The following SFSWAP variants were observed in gnomAD, a reference collection of about 807,000 sequenced individuals.
SFSWAP encodes the protein splicing factor, suppressor of white-apricot homolog.
Under a neutral mutation model 100.7 loss-of-function variants are expected in SFSWAP, and 17 were observed. That is an observed-to-expected ratio of 0.17 (90% CI 0.12 to 0.25). The LOEUF (loss-of-function observed/expected upper bound fraction) is 0.25. Ranked by LOEUF, SFSWAP falls within the 10% of genes least tolerant of loss-of-function variation. The pLI, the probability that SFSWAP is intolerant of heterozygous loss-of-function variation, is 1.00. For missense variants in SFSWAP, 1,005 were observed against 1,262.6 expected, an observed-to-expected ratio of 0.80 and a Z score of 3.09; for synonymous variants, 504 against 510.1, an observed-to-expected ratio of 0.99 and a Z score of 0.16.
chr12:131,765,805 A>G (rs1883069127), intron 12 of SFSWAP, among the ~76,000 whole-genome samples: 1 of 45,708 alleles, frequency 2.2e-5, no homozygotes, highest in Admixed American at 3.5e-4. Context: ...ATCATTTGGA[A>G]TAAAACACTT....
chr12:131,774,407 CAG>C (rs1491185129), intron 13 of SFSWAP, among the ~76,000 whole-genome samples: 2 of 152,166 alleles, frequency 1.3e-5, no homozygotes, highest in African/African-American at 2.4e-5. Flanking sequence ...CATCGTGACA[CAG>C]GGGGACTAAT....
At chr12:131,754,307 G>T in intron 8 of SFSWAP, 61 bp from the exon 9 acceptor site, 1 of 1,410,182 alleles carries the variant, frequency 7.1e-7, no homozygotes. Context: ...CCCCCGAGCA[G>T]CCAGGACTGA....
rs573691539 is a variant in SFSWAP, at chr12:131,769,883, A to G, written c.2142+3575A>G. 7.9e-5 allele frequency among the ~76,000 whole-genome samples: 12 copies of G among 151,984 alleles called. No individual in the cohort carries two copies. In the East Asian group the frequency reaches 2.3e-3, roughly 29 times the overall value. On this transcript the variant is annotated intron_variant, in intron 13 of 17. Transcript: ENST00000261674. ...TATTTATTTTTACACGTACCCTCTC[A>G]CCTCTCCTGTTTGCAGGCATTGGTT...
chr12:131,759,028 A>G (rs745827991), intron 11 of SFSWAP, among the ~76,000 whole-genome samples: 1 of 152,230 alleles, frequency 6.6e-6, no homozygotes, highest in Non-Finnish European at 1.5e-5. Context: ...CGGAGGTTGC[A>G]GTGAGCCAAG....
In SFSWAP at chr12:131,725,020, G is replaced by A. The variant is rs1455564605; in HGVS notation, c.607-385G>A. Reference sequence around the variant, plus strand: ...AAAGAGCAGTGATTCTGGTTATTGAGAACCATGGAATGTATACCCTCTCCC... The same window carrying A: ...AAAGAGCAGTGATTCTGGTTATTGAAAACCATGGAATGTATACCCTCTCCC... On this transcript the variant is annotated intron_variant, in intron 4 of 17. Coordinates refer to ENST00000261674, the MANE Select transcript of SFSWAP (RefSeq NM_004592.4). The surrounding 1 kb of genome is among the most constrained non-coding windows in gnomAD (Gnocchi z 4.3). Among the ~76,000 whole-genome samples the A allele has an allele frequency of 6.6e-6, 1 of 152,188 alleles. No individual in the cohort carries two copies. The highest frequency in any genetic ancestry group is 1.5e-5 in the Non-Finnish European group (1 of 68,032).
intron 7 of SFSWAP, among the ~76,000 whole-genome samples, chr12:131,729,823 G>T (rs1021861430): frequency 2.0e-5 from 3 of 152,188 alleles, no homozygotes; most frequent in African/African-American, 7.2e-5. Flanking sequence ...AGCCGGAGAT[G>T]AATTGTTAAA....
chr12:131,774,164 G>T (rs1223604614), intron 13 of SFSWAP, among the ~76,000 whole-genome samples: 1 of 152,202 alleles, frequency 6.6e-6, no homozygotes, highest in Admixed American at 6.5e-5. Context: ...AGGGGTGGGA[G>T]GATGCACCTG....
chr12:131,759,062 G>T (rs937681019), intron 11 of SFSWAP, among the ~76,000 whole-genome samples: 10 of 152,194 alleles, frequency 6.6e-5, no homozygotes, highest in African/African-American at 2.2e-4. Context: ...GTTCCAGCCT[G>T]CGTGACAGAG....
intron 7 of SFSWAP, among the ~76,000 whole-genome samples, chr12:131,750,192 A>G (rs990770569): frequency 3.3e-5 from 5 of 152,210 alleles, no homozygotes; most frequent in Admixed American, 6.5e-5. Flanking sequence ...CTGACACCCT[A>G]TGAAGTGAGA....
chr12:131,722,915 C>G (rs1032757014), intron 4 of SFSWAP, among the ~76,000 whole-genome samples: 36 of 152,122 alleles, frequency 2.4e-4, no homozygotes, highest in Admixed American at 9.2e-4. Flanking sequence ...TACTGCTGCA[C>G]TCCAGCCTAG....
rs778014554 is a variant in SFSWAP, at chr12:131,764,620, C to T, written c.1885C>T (p.Pro629Ser). ...SAANTNPAVA[P>S]PCVVVEEKKP... Reference sequence around the variant, plus strand: ...TGCAAACACTAACCCAGCAGTTGCCCCACCCTGTGTAGTTGTTGAGGAGAA... The same window carrying T: ...TGCAAACACTAACCCAGCAGTTGCCTCACCCTGTGTAGTTGTTGAGGAGAA... The change falls in exon 12 of 18, where the codon CCA (proline) becomes TCA (serine). Residue 629 changes from proline (P) to serine (S), a missense_variant. Around this residue, in one of 7 missense-constraint regions of SFSWAP, gnomAD observed 82 missense variants for 131.0 expected, o/e 0.63. Transcript: ENST00000261674. 1.6e-5 allele frequency: 26 copies of T among 1,614,046 alleles called. No individual in the cohort carries two copies. The highest frequency in any genetic ancestry group is 2.2e-5 in the Non-Finnish European group (26 of 1,180,048).
Position 131,725,412 on chromosome 12 carries a change from C to G in SFSWAP, c.614C>G (p.Thr205Ser). ...ATGTGTGTTTTCCCGTAGCCACCAA[C>G]CGCTAAAATGCACGCCATCATCGAG... Reference protein sequence around the residue: ...SVPSDVELPPTAKMHAIIERT... With the variant: ...SVPSDVELPPSAKMHAIIERT... The change falls in exon 5 of 18, where the codon ACC (threonine) becomes AGC (serine). Residue 205 changes from threonine to serine, a missense_variant. Thr to Ser is a moderately conservative substitution (Grantham distance 58, BLOSUM62 1). Around this residue, in one of 7 missense-constraint regions of SFSWAP, gnomAD observed 237 missense variants for 337.0 expected, o/e 0.70. Transcript: ENST00000261674. The surrounding 1 kb of genome is among the most constrained non-coding windows in gnomAD (Gnocchi z 4.3). 1 of 1,614,108 alleles carries G rather than the reference C, an allele frequency of 6.2e-7. No homozygotes were observed. Among genetic ancestry groups the G allele is most frequent in the South Asian group, 1.1e-5 (1 of 91,078 alleles).
intron 7 of SFSWAP, among the ~76,000 whole-genome samples, chr12:131,735,025 T>G (rs1468944404): frequency 6.6e-6 from 1 of 151,950 alleles, no homozygotes; most frequent in Non-Finnish European, 1.5e-5. Context: ...TGCCACACAG[T>G]CACAAAAGTG....
chr12:131,762,431 T>G (rs1259424400), intron 11 of SFSWAP, among the ~76,000 whole-genome samples: 1 of 152,162 alleles, frequency 6.6e-6, no homozygotes, highest in African/African-American at 2.4e-5. Context: ...AAATAAAATG[T>G]AAAATGAAAT....
At chr12:131,743,235 G>A (rs1880820324) in intron 7 of SFSWAP, among the ~76,000 whole-genome samples, 1 of 152,166 alleles carries the variant, frequency 6.6e-6, no homozygotes, top group African/African-American at 2.4e-5. Context: ...GTCCCCCAAA[G>A]TCTTAACTCA....
rs1437376911 is a variant in SFSWAP, at chr12:131,799,129, T to C, written c.2790+20T>C. ...ACTCAGGTCAGTGGGCACGCCCCCC[T>C]CCCGCTCCCAGCCTTTCATCAAGGG... On this transcript the variant is annotated intron_variant, in intron 17 of 17. Transcript: ENST00000261674. 1 of 1,595,348 alleles carries C rather than the reference T, an allele frequency of 6.3e-7. No homozygotes were observed. Among genetic ancestry groups the C allele is most frequent in the Non-Finnish European group, 8.6e-7 (1 of 1,163,036 alleles).
intron 9 of SFSWAP, 30 bp from the exon 10 acceptor site, chr12:131,755,356 A>G (rs750215026): frequency 6.9e-5 from 105 of 1,517,696 alleles, no homozygotes; most frequent in Non-Finnish European, 8.5e-5. Flanking sequence ...GTCTTGGTAA[A>G]TGACCCATTT....
intron 13 of SFSWAP, among the ~76,000 whole-genome samples, chr12:131,770,643 A>C (rs897187355): frequency 1.3e-5 from 2 of 152,170 alleles, no homozygotes; most frequent in African/African-American, 4.8e-5. Context: ...TCCTGTGGAA[A>C]TGGCACTTTT....
rs143354094 is a variant in SFSWAP at position 131,776,730 on chromosome 12, C to T, written c.2143-1335C>T. The stretch of plus-strand genomic sequence containing the variant: ...GGGAGACTGGGTCCCACCCCAGCAC[C>T]TAACCTGAATTTCTTCGAGGCACAA... On this transcript the variant is annotated intron_variant, in intron 13 of 17. Coordinates refer to ENST00000261674, the MANE Select transcript of SFSWAP (RefSeq NM_004592.4). Among the ~76,000 whole-genome samples the T allele has an allele frequency of 6.7e-3, 1,019 of 152,328 alleles. 13 individuals are homozygous for T. The highest frequency in any genetic ancestry group is 0.023 in the African/African-American group (969 of 41,560).
Sources: allele counts gnomAD v4.1 joint callset (sites outside exome capture counted in the v4.1 genomes callset), GRCh38; gene constraint gnomAD v4.1.1; regional missense constraint gnomAD v4.1.1; non-coding constraint Gnocchi (gnomAD v3.1); transcripts MANE v1.5; gene names NCBI Gene and HGNC (gene_info 2026-07-23, HGNC 2026-07-21).